DGKB: variants seen among roughly 807,000 people sequenced by gnomAD.
DGKB encodes diacylglycerol kinase beta, also known as 90 kDa diacylglycerol kinase.
Under a neutral mutation model 114.3 loss-of-function variants are expected in DGKB, and 67 were observed. The observed-to-expected ratio is 0.59, with a 90% CI of 0.48 to 0.72. The LOEUF (loss-of-function observed/expected upper bound fraction) is 0.72. Ranked by LOEUF, DGKB falls within the 30% of genes least tolerant of loss-of-function variation. The probability of loss-of-function intolerance (pLI) is 0.00; values close to 1 mark genes in which losing one functional copy is unlikely to be tolerated. For missense variants in DGKB, 907 were observed against 975.2 expected (o/e 0.93, Z 0.93); for synonymous variants, 398 against 323.1 (o/e 1.23, Z -2.49).
intron 23 of DGKB, among the ~76,000 whole-genome samples, chr7:14,251,983 A>T (rs1795311958): frequency 6.6e-6 from 1 of 152,138 alleles, no homozygotes; most frequent in Non-Finnish European, 1.5e-5. Flanking sequence ...GAAGATCTTT[A>T]TGTTTAATCT....
chr7:14,643,697 C>A (rs1407619922), intron 13 of DGKB, among the ~76,000 whole-genome samples: 1 of 152,138 alleles, frequency 6.6e-6, no homozygotes, highest in African/African-American at 2.4e-5. Context: ...TGAGAGCCAC[C>A]TGTCTTATCT....
intron 17 of DGKB, among the ~76,000 whole-genome samples, chr7:14,606,556 A>C (rs1229852356): frequency 1.3e-5 from 2 of 151,988 alleles, no homozygotes; most frequent in African/African-American, 4.8e-5. Context: ...CTGGTTCCTG[A>C]GAATGAGAAG....
At chr7:14,367,488 C>T (rs1289369150) in intron 21 of DGKB, among the ~76,000 whole-genome samples, 14 of 152,024 alleles carry the variant, frequency 9.2e-5, no homozygotes, top group Non-Finnish European at 1.6e-4. Flanking sequence ...CCGCCACGGT[C>T]GTGAGGCCTC....
At chr7:14,676,766 G>A (rs184097203) in intron 12 of DGKB, among the ~76,000 whole-genome samples, 317 of 151,920 alleles carry the variant, frequency 2.1e-3, no homozygotes, top group Middle Eastern at 6.8e-3. Flanking sequence ...AAACACCAGG[G>A]TCCTCATCAA....
chr7:14,924,968 T>C (rs1175725698), intron 1 of DGKB, among the ~76,000 whole-genome samples: 1 of 152,208 alleles, frequency 6.6e-6, no homozygotes, highest in East Asian at 1.9e-4. Flanking sequence ...ACAGATGTTT[T>C]CTCTATTTCT....
intron 1 of DGKB, among the ~76,000 whole-genome samples, chr7:14,872,683 T>C (rs745787249): frequency 6.6e-6 from 1 of 152,044 alleles, no homozygotes; most frequent in Non-Finnish European, 1.5e-5. Context: ...AGACATTAGA[T>C]ACTGTGCGGC....
chr7:14,199,078 G>C (rs7779876), intron 23 of DGKB, among the ~76,000 whole-genome samples: 61,440 of 151,726 alleles, frequency 0.4, 13,483 homozygotes, highest in African/African-American at 0.57. Context: ...ACTGACCTTA[G>C]ATTGTGATTA....
intron 20 of DGKB, among the ~76,000 whole-genome samples, chr7:14,498,339 T>A (rs975127905): frequency 6.6e-6 from 1 of 151,840 alleles, no homozygotes; most frequent in Non-Finnish European, 1.5e-5. Context: ...AAGGATACAT[T>A]AATACAGTCA....
intron 20 of DGKB, among the ~76,000 whole-genome samples, chr7:14,478,900 T>C (rs183931815): frequency 6.6e-6 from 1 of 152,214 alleles, no homozygotes; most frequent in East Asian, 1.9e-4. Context: ...GTTCTGACCC[T>C]AATGGATGTT....
Position 14,510,881 on chromosome 7 carries a change from G to A in DGKB, c.1771-32656C>T, listed in dbSNP as rs371243760. On this transcript the variant is annotated intron_variant, in intron 20 of 25. Transcript: ENST00000402815. ...TCCATCAGAGCTCTTGGGTAACTAG[G>A]TACATTGCAAATGAATCATAATATT... Among the ~76,000 whole-genome samples the A allele has an allele frequency of 2.6e-3, 400 of 152,226 alleles. 2 individuals carry two copies. The highest frequency in any genetic ancestry group is 8.7e-3 in the African/African-American group (361 of 41,540).
chr7:14,312,622 T>C (rs933478691), intron 23 of DGKB, among the ~76,000 whole-genome samples: 12 of 152,238 alleles, frequency 7.9e-5, no homozygotes, highest in Non-Finnish European at 1.5e-4. Context: ...ACTGTGATAC[T>C]TGTTTAAAGA....
intron 21 of DGKB, among the ~76,000 whole-genome samples, chr7:14,399,073 G>A (rs554371944): frequency 2.0e-5 from 3 of 151,636 alleles, no homozygotes; most frequent in African/African-American, 4.8e-5. Flanking sequence ...TTTCCTCGGC[G>A]ACTTAGAAAA....
intron 23 of DGKB, among the ~76,000 whole-genome samples, chr7:14,329,690 C>T (rs1404839755): frequency 1.3e-5 from 2 of 151,922 alleles, no homozygotes; most frequent in South Asian, 2.1e-4. Context: ...ACCACCTTAG[C>T]TTCAAATCAT....
At chr7:14,484,662 T>C (rs973385358) in intron 20 of DGKB, among the ~76,000 whole-genome samples, 1 of 152,158 alleles carries the variant, frequency 6.6e-6, no homozygotes, top group Non-Finnish European at 1.5e-5. Flanking sequence ...TCTCTTTTCT[T>C]AGAAATTACC....
At chr7:14,361,073 TA>T (rs932870626) in intron 21 of DGKB, among the ~76,000 whole-genome samples, 15 of 151,964 alleles carry the variant, frequency 9.9e-5, no homozygotes, top group Admixed American at 4.6e-4. Flanking sequence ...CTTCACAACT[TA>T]AAAAAAATAC....
rs186316199 is a variant in DGKB at position 14,277,140 on chromosome 7, C to T, written c.2122+61375G>A. ...AACAACTCGTTATTCCTTTCCTATA[C>T]TTCCATGAGTTCAACTTTTAAATTT... On this transcript the variant is annotated intron_variant, in intron 23 of 25. Transcript: ENST00000402815. 2.6e-5 allele frequency among the ~76,000 whole-genome samples: 4 copies of T among 151,226 alleles called. No homozygotes were observed. In the Admixed American group the frequency reaches 2.7e-4, roughly 10 times the overall value.
At chr7:14,814,080 TG>T (rs1843774320) in intron 2 of DGKB, 1 of 152,224 alleles carries the variant, frequency 6.6e-6, no homozygotes, top group African/African-American at 2.4e-5. Flanking sequence ...ACATTACAAT[TG>T]ATTCCTCAAT....
chr7:14,731,064 G>C (rs547917861), intron 5 of DGKB, among the ~76,000 whole-genome samples: 2 of 152,248 alleles, frequency 1.3e-5, no homozygotes, highest in Non-Finnish European at 2.9e-5. Context: ...GTTACAATGA[G>C]TACTAGAGAG....
intron 21 of DGKB, among the ~76,000 whole-genome samples, chr7:14,358,108 C>A (rs554792507): frequency 6.6e-6 from 1 of 152,138 alleles, no homozygotes; most frequent in East Asian, 1.9e-4. Flanking sequence ...TTGTGGTGGT[C>A]TCTGTATTTC....
Sources: gnomAD v4.1 joint callset for allele counts (sites outside exome capture counted in the v4.1 genomes callset) on GRCh38, gnomAD v4.1.1 for gene constraint, MANE v1.5 for transcripts, NCBI Gene and HGNC (gene_info 2026-07-23, HGNC 2026-07-21) for gene names.